The following GRM7 variants were observed in gnomAD, a reference collection of about 807,000 sequenced individuals.
GRM7 encodes glutamate metabotropic receptor 7, also known as metabotropic glutamate receptor 7.
A neutral mutation model predicts 84.5 loss-of-function variants in GRM7; 35 were observed. That is an observed-to-expected ratio of 0.41 (90% CI 0.32 to 0.55). GRM7 has a LOEUF of 0.55. Among genes scored for constraint, GRM7 ranks in the 20% least tolerant of loss-of-function variants. The probability of loss-of-function intolerance (pLI) is 0.19; values close to 1 mark genes in which losing one functional copy is unlikely to be tolerated. For synonymous variants in GRM7, 487 were observed against 455.1 expected (o/e 1.07, Z -0.89); for missense variants, 1,003 against 1,194.6 (o/e 0.84, Z 2.36).
intron 2 of GRM7, among the ~76,000 whole-genome samples, chr3:7,186,534 AT>A (rs1243843214): frequency 1.3e-5 from 2 of 152,202 alleles, no homozygotes; most frequent in African/African-American, 4.8e-5. Flanking sequence ...AGGCCAGGGC[AT>A]AATTATTTGT....
In GRM7 at chr3:7,544,392, G is replaced by A. The variant is rs552865723; in HGVS notation, c.1516-34030G>A. Among the ~76,000 whole-genome samples the A allele has an allele frequency of 3.9e-4, 59 of 152,226 alleles. No homozygotes were observed. The Middle Eastern group carries it at 0.01, about 26-fold the overall frequency. On this transcript the variant is annotated intron_variant, in intron 7 of 9. Coordinates refer to ENST00000357716, the MANE Select transcript of GRM7 (RefSeq NM_000844.4). ...TCTAGTCTCAAATTCCTGGCTTCAA[G>A]TCATCCTCCCTCCTCAGCCTCGCAA...
chr3:7,360,557 C>T (rs1693616550), intron 4 of GRM7, among the ~76,000 whole-genome samples: 4 of 151,982 alleles, frequency 2.6e-5, no homozygotes, highest in South Asian at 4.1e-4. Flanking sequence ...TCATCAATAT[C>T]TTTATTATTC....
intron 1 of GRM7, among the ~76,000 whole-genome samples, chr3:7,058,334 A>C (rs1425487583): frequency 6.6e-6 from 1 of 151,980 alleles, no homozygotes; most frequent in East Asian, 1.9e-4. Flanking sequence ...GAAAGTATTT[A>C]ACACAAATAT....
At chr3:7,389,518 A>G (rs1694908122) in intron 4 of GRM7, among the ~76,000 whole-genome samples, 1 of 152,102 alleles carries the variant, frequency 6.6e-6, no homozygotes, top group African/African-American at 2.4e-5. Flanking sequence ...GTATAAACAT[A>G]ATTGTTTTAT....
intron 4 of GRM7, among the ~76,000 whole-genome samples, chr3:7,322,365 A>G (rs1215731012): frequency 1.3e-5 from 2 of 151,918 alleles, no homozygotes; most frequent in Non-Finnish European, 2.9e-5. Context: ...TCTGATCCCC[A>G]CCACCTTTTT....
chr3:7,362,971 A>C (rs895152122), intron 4 of GRM7, among the ~76,000 whole-genome samples: 70 of 152,082 alleles, frequency 4.6e-4, no homozygotes, highest in Admixed American at 2.4e-3. Context: ...AAAAATAAAA[A>C]GTTACCCAGG....
chr3:7,065,331 T>C (rs1045866050), intron 1 of GRM7, among the ~76,000 whole-genome samples: 17 of 151,978 alleles, frequency 1.1e-4, no homozygotes, highest in African/African-American at 3.1e-4. Context: ...AGATCTTAAG[T>C]TTAAGTCCTT....
At position 7,155,022 on chromosome 3, in the gene GRM7, G is replaced by T. The variant is rs141664122; in HGVS notation, c.736+8354G>T. 2.6e-5 allele frequency among the ~76,000 whole-genome samples: 4 copies of T among 152,222 alleles called. No individual in the cohort carries two copies. In the East Asian group the frequency reaches 7.7e-4, roughly 29 times the overall value. ...GTATAGAACTGGAGGAAAGTACCCA[G>T]AAAAAGTTTCAAGGATAGCCAGATC... On this transcript the variant is annotated intron_variant, in intron 2 of 9. Transcript: ENST00000357716.
At chr3:7,547,533 G>A (rs1693224868) in intron 7 of GRM7, among the ~76,000 whole-genome samples, 1 of 152,104 alleles carries the variant, frequency 6.6e-6, no homozygotes, top group Non-Finnish European at 1.5e-5. Context: ...CTAGAAGAGT[G>A]CTAAACTTTG....
intron 1 of GRM7, among the ~76,000 whole-genome samples, chr3:7,110,898 G>A (rs1284598868): frequency 6.6e-6 from 1 of 152,036 alleles, no homozygotes; most frequent in African/African-American, 2.4e-5. Flanking sequence ...TGTATGCAGG[G>A]AGTCCTGGAA....
At position 7,666,801 on chromosome 3, in the gene GRM7, G is replaced by A. The variant is rs117567919; in HGVS notation, c.2452-13248G>A. On this transcript the variant is annotated intron_variant, in intron 8 of 9. Transcript: ENST00000357716. ...TATATATTGCATTACTTATATTACA[G>A]GTAAGATTAGCCAACCAGAAAACAA... Among the ~76,000 whole-genome samples the A allele has an allele frequency of 3.9e-5, 6 of 151,924 alleles. No individual in the cohort carries two copies. The East Asian group carries it at 1.2e-3, about 29-fold the overall frequency.
intron 1 of GRM7, among the ~76,000 whole-genome samples, chr3:7,043,447 T>C (rs1696700983): frequency 6.6e-6 from 1 of 152,188 alleles, no homozygotes; most frequent in African/African-American, 2.4e-5. Context: ...GGGGCAACCA[T>C]AAGACTCATC....
At chr3:7,149,304 C>A (rs1694204427) in intron 2 of GRM7, among the ~76,000 whole-genome samples, 1 of 152,152 alleles carries the variant, frequency 6.6e-6, no homozygotes, top group Admixed American at 6.6e-5. Flanking sequence ...GTGGGCCTCT[C>A]ATAAGGCGCG....
rs1452127574 is a variant in GRM7, at chr3:7,523,045, T to G, written c.1516-55377T>G. Among the ~76,000 whole-genome samples the G allele has an allele frequency of 1.3e-5, 2 of 152,206 alleles. 1 individual carries two copies. The highest frequency in any genetic ancestry group is 3.9e-4 in the East Asian group (2 of 5,192). ...GGCCAGCACCTTGATCTTAGACTTC[T>G]CAGCCTTCAGATCTAGGAAAAAGAA... On this transcript the variant is annotated intron_variant, in intron 7 of 9. Coordinates refer to ENST00000357716, the MANE Select transcript of GRM7 (RefSeq NM_000844.4).
chr3:6,972,511 G>C lies in GRM7; in HGVS notation c.519+110604G>C, dbSNP rs1231480725. Among the ~76,000 whole-genome samples the C allele has an allele frequency of 2.6e-4, 39 of 152,330 alleles. 1 individual carries two copies. Among genetic ancestry groups the C allele is most frequent in the Admixed American group, 2.5e-3 (39 of 15,304 alleles). Reference sequence around the variant, plus strand: ...CTTTTCATCCAGGGCCATCTCCAGCGTGCCTTGTGTATCGTCCATTGCTGG... The same window carrying C: ...CTTTTCATCCAGGGCCATCTCCAGCCTGCCTTGTGTATCGTCCATTGCTGG... On this transcript the variant is annotated intron_variant, in intron 1 of 9. Coordinates refer to ENST00000357716, the MANE Select transcript of GRM7 (RefSeq NM_000844.4).
intron 9 of GRM7, among the ~76,000 whole-genome samples, chr3:7,729,518 C>T (rs1702237747): frequency 6.6e-6 from 1 of 152,082 alleles, no homozygotes; most frequent in African/African-American, 2.4e-5. Context: ...ACTGAGTCAA[C>T]AATATGTAAT....
chr3:7,000,342 G>A (rs547632889), intron 1 of GRM7, among the ~76,000 whole-genome samples: 1 of 151,698 alleles, frequency 6.6e-6, no homozygotes, highest in Non-Finnish European at 1.5e-5. Context: ...TGGCTAATAT[G>A]TTATTTTATT....
At chr3:7,245,158 T>C (rs1697710407) in intron 2 of GRM7, among the ~76,000 whole-genome samples, 1 of 151,750 alleles carries the variant, frequency 6.6e-6, no homozygotes, top group Non-Finnish European at 1.5e-5. Context: ...AAAAAACAAA[T>C]AACCTGTGAG....
At chr3:7,726,804 T>A (rs1038710770) in intron 9 of GRM7, among the ~76,000 whole-genome samples, 1 of 150,732 alleles carries the variant, frequency 6.6e-6, no homozygotes, top group Non-Finnish European at 1.5e-5. Context: ...AAATTTAATA[T>A]TGATGTATTA....
Sources: gnomAD v4.1 joint callset for allele counts (sites outside exome capture counted in the v4.1 genomes callset) on GRCh38, gnomAD v4.1.1 for gene constraint, MANE v1.5 for transcripts, NCBI Gene and HGNC (gene_info 2026-07-23, HGNC 2026-07-21) for gene names.